ADAP1: variants seen among roughly 807,000 people sequenced by gnomAD.
ADAP1 encodes ArfGAP with dual PH domains 1.
A neutral mutation model predicts 54.9 loss-of-function variants in ADAP1; 31 were observed. That is an observed-to-expected ratio of 0.56 (90% CI 0.42 to 0.76). ADAP1 has a LOEUF of 0.76. Ranked by LOEUF, ADAP1 falls within the 30% of genes least tolerant of loss-of-function variation. The probability of loss-of-function intolerance (pLI) is 0.00; values close to 1 mark genes in which losing one functional copy is unlikely to be tolerated. For synonymous variants in ADAP1, 313 were observed against 202.6 expected (o/e 1.55, Z -4.63); for missense variants, 535 against 512.4 (o/e 1.04, Z -0.42).
intron 6 of ADAP1, 49 bp from the exon 7 acceptor site, chr7:900,665 G>C: frequency 3.6e-6 from 5 of 1,382,878 alleles, no homozygotes; most frequent in Non-Finnish European, 5.0e-6. Flanking sequence ...CTGCAGCGCT[G>C]GGGTCCCCAC....
chr7:906,652 A>G (rs1328767318), intron 4 of ADAP1, among the ~76,000 whole-genome samples: 1 of 116,026 alleles, frequency 8.6e-6, no homozygotes, highest in East Asian at 3.2e-4. Context: ...GGGAAAGGAG[A>G]AAGGGGGCGG....
intron 4 of ADAP1, among the ~76,000 whole-genome samples, chr7:913,491 G>A (rs189979773): frequency 1.3e-3 from 195 of 152,134 alleles, no homozygotes; most frequent in Middle Eastern, 3.4e-3. Flanking sequence ...GTGAGGCACC[G>A]CGCCCGGTCC....
intron 2 of ADAP1, among the ~76,000 whole-genome samples, chr7:934,802 T>A (rs1020630382): frequency 1.3e-5 from 2 of 152,192 alleles, no homozygotes; most frequent in African/African-American, 4.8e-5. Context: ...GAAGCATCTG[T>A]GGCTGGTGTC....
chr7:905,285 CGGG>C, intron 4 of ADAP1, 113 bp from the exon 5 acceptor site: 1 of 235,636 alleles, frequency 4.2e-6, no homozygotes, highest in Non-Finnish European at 7.4e-6. Context: ...GGGACACGGA[CGGG>C]GGACACGGAC....
At chr7:954,254 G>A (rs1338609145) in intron 1 of ADAP1, 142 bp downstream of exon 1, 1 of 830,882 alleles carries the variant, frequency 1.2e-6, no homozygotes, top group Non-Finnish European at 1.5e-6. Flanking sequence ...TCCGAGCGCC[G>A]ATCCGGCCCG....
rs192933438 is a variant in ADAP1, at chr7:945,325, G to A, written c.82+9071C>T. Among the ~76,000 whole-genome samples the A allele has an allele frequency of 9.2e-5, 14 of 152,296 alleles. No individual in the cohort carries two copies. Among genetic ancestry groups the A allele is most frequent in the East Asian group, 1.9e-4 (1 of 5,176 alleles). On this transcript the variant is annotated intron_variant, in intron 1 of 10. Coordinates refer to ENST00000265846, the MANE Select transcript of ADAP1 (RefSeq NM_006869.4). The surrounding 1 kb of genome is among the most constrained non-coding windows in gnomAD (Gnocchi z 4.2). ...AGGGTGGAAGGGGAGCTGGTCTGAC[G>A]CCCCAGCAGCAGGGCCCCCACAGGC...
intron 4 of ADAP1, among the ~76,000 whole-genome samples, chr7:911,965 G>C (rs1034902044): frequency 6.6e-6 from 1 of 152,174 alleles, no homozygotes; most frequent in African/African-American, 2.4e-5. Context: ...CATGGGCCAC[G>C]TAAAGCCTCG....
At chr7:912,821 C>A (rs1845779032) in intron 4 of ADAP1, among the ~76,000 whole-genome samples, 1 of 152,108 alleles carries the variant, frequency 6.6e-6, no homozygotes, top group Non-Finnish European at 1.5e-5. Context: ...CTGTCTCAGC[C>A]TCCTGAGTAG....
chr7:946,390 G>GT lies in ADAP1; in HGVS notation c.82+8005dup, dbSNP rs1847140494. ...CGGGCGGCCCTGGTCCCATTCCATT[G>GT]TGAGGATGGGGCCCTTTGGCCCTAG... On this transcript the variant is annotated intron_variant, in intron 1 of 10. Coordinates refer to ENST00000265846, the MANE Select transcript of ADAP1 (RefSeq NM_006869.4). This position sits in a 1 kb window ranked among gnomAD's most constrained non-coding sequence, Gnocchi z 4.3. Among the ~76,000 whole-genome samples, 1 of 152,074 alleles carries GT rather than the reference G, an allele frequency of 6.6e-6. No individual in the cohort carries two copies. The highest frequency in any genetic ancestry group is 1.5e-5 in the Non-Finnish European group (1 of 68,002).
At chr7:913,798 G>C (rs1452870028) in intron 4 of ADAP1, among the ~76,000 whole-genome samples, 1 of 152,152 alleles carries the variant, frequency 6.6e-6, no homozygotes, top group Non-Finnish European at 1.5e-5. Flanking sequence ...AGCCGGGCGT[G>C]GTGGGGGGCG....
At chr7:906,770 GGGGACAGGGGACACGGGGGACGGGACA>G (rs1845460206) in intron 4 of ADAP1, among the ~76,000 whole-genome samples, 2 of 28,738 alleles carry the variant, frequency 7.0e-5, no homozygotes, top group Non-Finnish European at 1.6e-4. Flanking sequence ...AGGGGACATG[GGGGACAGGGGACACGGGGGACGGGACA>G]GGGGACATGG....
chr7:922,201 G>A (rs1302327407), intron 3 of ADAP1, among the ~76,000 whole-genome samples: 5 of 152,158 alleles, frequency 3.3e-5, no homozygotes, highest in East Asian at 1.9e-4. Context: ...CCTGGCAGCC[G>A]GGACGGAGAG....
rs1327863466 is a variant in ADAP1, at chr7:919,999, G to C, written c.357C>G (p.Ile119Met). The C allele has an allele frequency of 6.2e-7, 1 of 1,607,844 alleles. No individual in the cohort carries two copies. Among genetic ancestry groups the C allele is most frequent in the Non-Finnish European group, 8.5e-7 (1 of 1,179,568 alleles). The change falls in exon 4 of 11, where the codon ATC (isoleucine) becomes ATG (methionine). Residue 119 changes from isoleucine (I) to methionine (M), a missense_variant. Physicochemically the swap from Ile to Met is conservative, Grantham distance 10. Transcript: ENST00000265846. ...IRAKYERQEF[I>M]YPEKQEPYSA... is the part of the protein sequence containing the mutation. ...AGTAGGGCTCCTGCTTCTCCGGGTA[G>C]ATGAACTCCTGTCGCTCGTACTTGG...
chr7:904,326 G>T, intron 5 of ADAP1, 54 bp from the exon 6 acceptor site: 2 of 1,522,106 alleles, frequency 1.3e-6, no homozygotes, highest in South Asian at 2.6e-5. Context: ...CAAGCTCAAG[G>T]GAGCAGGAAG....
intron 4 of ADAP1, among the ~76,000 whole-genome samples, chr7:916,546 C>G (rs1411499379): frequency 6.6e-6 from 1 of 152,170 alleles, no homozygotes; most frequent in Non-Finnish European, 1.5e-5. Context: ...CGGAGGGGCT[C>G]TGGGGTGATT....
At position 935,501 on chromosome 7, in the gene ADAP1, G is replaced by C; in HGVS notation, c.87C>G (p.Pro29=). 1.3e-6 allele frequency: 2 copies of C among 1,563,274 alleles called. No homozygotes were observed. The highest frequency in any genetic ancestry group is 1.7e-6 in the Non-Finnish European group (2 of 1,154,130). Residue 29 remains proline, a synonymous_variant, in exon 2 of 11, where the codon CCC becomes CCG. Transcript: ENST00000265846. ...ARCADCGAPD[P]DWASYTLGVF... The stretch of plus-strand genomic sequence containing the variant: ...CGCCCAGAGTGTAGGAGGCCCAGTC[G>C]GGATCTGCAAGGGAAAGCCGGACGT...
chr7:921,647 G>A (rs543064146), intron 3 of ADAP1, among the ~76,000 whole-genome samples: 22 of 152,320 alleles, frequency 1.4e-4, no homozygotes, highest in Admixed American at 3.9e-4. Context: ...TCACAGGGGC[G>A]GCGGGTTAGG....
At position 946,861 on chromosome 7, in the gene ADAP1, C is replaced by T. The variant is rs77630302; in HGVS notation, c.82+7535G>A. The stretch of plus-strand genomic sequence containing the variant: ...TTGAAATGATTAACCTGAGGCCGGG[C>T]GGGGCGGCTCACGCCTGCAATCTCA... On this transcript the variant is annotated intron_variant, in intron 1 of 10. Transcript: ENST00000265846. This position sits in a 1 kb window ranked among gnomAD's most constrained non-coding sequence, Gnocchi z 4.3. 0.015 allele frequency among the ~76,000 whole-genome samples: 2,350 copies of T among 152,308 alleles called. 51 individuals are homozygous for T. Among genetic ancestry groups the T allele is most frequent in the African/African-American group, 0.044 (1,811 of 41,564 alleles).
intron 4 of ADAP1, 83 bp from the exon 5 acceptor site, chr7:905,255 G>A (rs1263896627): frequency 3.3e-5 from 31 of 928,208 alleles, no homozygotes; most frequent in Middle Eastern, 2.2e-4. Context: ...GGACAGAGGG[G>A]ACATGGGGAG....
Sources: gnomAD v4.1 joint callset for allele counts (sites outside exome capture counted in the v4.1 genomes callset) on GRCh38, gnomAD v4.1.1 for gene constraint, Gnocchi (gnomAD v3.1) non-coding constraint, MANE v1.5 for transcripts, NCBI Gene and HGNC (gene_info 2026-07-23, HGNC 2026-07-21) for gene names.